Variants in WWOX observed in about 807,000 individuals in gnomAD.
WWOX encodes WW domain containing oxidoreductase.
In WWOX, 69 loss-of-function variants were observed where a neutral mutation model predicts 46.2. That is an observed-to-expected ratio of 1.49 (90% CI 1.23 to 1.82). WWOX has a LOEUF of 1.82. WWOX is among the 40% of genes most tolerant of loss of function. The pLI is 0.00. For synonymous variants in WWOX, 359 were observed against 202.6 expected (o/e 1.77, Z -6.56); for missense variants, 919 against 542.6 (o/e 1.69, Z -6.89).
chr16:78,613,398 G>A (rs565807052), intron 8 of WWOX, among the ~76,000 whole-genome samples: 1 of 152,178 alleles, frequency 6.6e-6, no homozygotes, highest in Non-Finnish European at 1.5e-5. Context: ...GAGTGTCCCT[G>A]TTACAAGGCC....
At position 78,608,204 on chromosome 16, in the gene WWOX, T is replaced by C. The variant is rs1454348742; in HGVS notation, c.1056+175452T>C. Among the ~76,000 whole-genome samples the C allele has an allele frequency of 2.6e-5, 4 of 152,192 alleles. No homozygotes were observed. In the South Asian group the frequency reaches 8.3e-4, roughly 32 times the overall value. On this transcript the variant is annotated intron_variant, in intron 8 of 8. Coordinates refer to ENST00000566780, the MANE Select transcript of WWOX (RefSeq NM_016373.4). Reference sequence around the variant, plus strand: ...GGTAAATCTAAGCAGAAATACACCATGCATGAGACAGAACAAAGAAAAGAA... The same window carrying C: ...GGTAAATCTAAGCAGAAATACACCACGCATGAGACAGAACAAAGAAAAGAA...
chr16:79,149,078 G>A (rs1157512959), intron 8 of WWOX, among the ~76,000 whole-genome samples: 2 of 152,130 alleles, frequency 1.3e-5, no homozygotes, highest in East Asian at 3.9e-4. Context: ...TGTTGAACAA[G>A]AGTAGTGAGA....
intron 8 of WWOX, among the ~76,000 whole-genome samples, chr16:78,975,743 G>A (rs1456000059): frequency 1.3e-5 from 2 of 152,130 alleles, no homozygotes; most frequent in Non-Finnish European, 2.9e-5. Flanking sequence ...AGCCAATTGA[G>A]GCCTTTGGGC....
At chr16:79,131,249 G>C (rs1317083602) in intron 8 of WWOX, among the ~76,000 whole-genome samples, 2 of 152,208 alleles carry the variant, frequency 1.3e-5, no homozygotes, top group African/African-American at 2.4e-5. Context: ...GTGAGAGTGA[G>C]ACACAAAATA....
chr16:78,556,584 G>A (rs1252611724), intron 8 of WWOX, among the ~76,000 whole-genome samples: 2 of 152,182 alleles, frequency 1.3e-5, no homozygotes, highest in African/African-American at 2.4e-5. Flanking sequence ...CCGGCGTGCG[G>A]TGAGTTGCCG....
intron 8 of WWOX, among the ~76,000 whole-genome samples, chr16:78,693,596 G>C (rs987820329): frequency 7.2e-5 from 11 of 152,180 alleles, no homozygotes; most frequent in African/African-American, 2.7e-4. Context: ...GGGCAGTGGA[G>C]ACAATGTCAC....
chr16:78,873,816 G>A (rs1264460534), intron 8 of WWOX, among the ~76,000 whole-genome samples: 1 of 151,976 alleles, frequency 6.6e-6, no homozygotes, highest in East Asian at 1.9e-4. Context: ...AAAATAAAAC[G>A]AGATATTTGG....
rs142575164 is a variant in WWOX at position 78,708,961 on chromosome 16, C to T, written c.1056+276209C>T. Reference sequence around the variant, plus strand: ...GGAAAGAGTTCAAAACTCAGTGTCACTTGCACATCCATTTTGCCCTAGAAG... The same window carrying T: ...GGAAAGAGTTCAAAACTCAGTGTCATTTGCACATCCATTTTGCCCTAGAAG... On this transcript the variant is annotated intron_variant, in intron 8 of 8. Transcript: ENST00000566780. 7.9e-3 allele frequency among the ~76,000 whole-genome samples: 1,195 copies of T among 152,184 alleles called. 11 individuals carry two copies. Among genetic ancestry groups the T allele is most frequent in the Middle Eastern group, 0.017 (5 of 292 alleles).
In WWOX at chr16:79,022,344, C is replaced by CAAAA. The variant is rs10654627; in HGVS notation, c.1057-189245_1057-189242dup. 4.9e-3 allele frequency among the ~76,000 whole-genome samples: 351 copies of CAAAA among 71,152 alleles called. 8 individuals carry two copies. Among genetic ancestry groups the CAAAA allele is most frequent in the African/African-American group, 9.7e-3 (191 of 19,660 alleles). The allele number at this position is 71,152 out of a possible 152,430, so 46.7% of individuals were successfully genotyped here. On this transcript the variant is annotated intron_variant, in intron 8 of 8. Transcript: ENST00000566780. ...AAGAGGACTCTCCAGCAATCTGTGG[C>CAAAA]AAAAAAAAAAAAAAAAAAAAAAGTC...
intron 8 of WWOX, among the ~76,000 whole-genome samples, chr16:78,732,401 A>T (rs2048990860): frequency 6.6e-6 from 1 of 152,288 alleles, no homozygotes; most frequent in South Asian, 2.1e-4. Flanking sequence ...GCCGCCAGTC[A>T]TAGTCAGCTT....
chr16:78,488,591 C>T (rs1038859486), intron 8 of WWOX, among the ~76,000 whole-genome samples: 7 of 152,072 alleles, frequency 4.6e-5, no homozygotes, highest in African/African-American at 9.7e-5. Flanking sequence ...GTAGCTGACC[C>T]GAGAGACCGT....
At position 78,757,641 on chromosome 16, in the gene WWOX, C is replaced by A. The variant is rs1396787984; in HGVS notation, c.1056+324889C>A. Among the ~76,000 whole-genome samples, 7 of 151,984 alleles carry A rather than the reference C, an allele frequency of 4.6e-5. No individual in the cohort carries two copies. In the East Asian group the frequency reaches 1.3e-3, roughly 29 times the overall value. On this transcript the variant is annotated intron_variant, in intron 8 of 8. Coordinates refer to ENST00000566780, the MANE Select transcript of WWOX (RefSeq NM_016373.4). Reference sequence around the variant, plus strand: ...TTGTATTTATTTATATGAATGAATACATTTTATTTATTTATATAAATACAT... The same window carrying A: ...TTGTATTTATTTATATGAATGAATAAATTTTATTTATTTATATAAATACAT...
chr16:78,936,253 C>T (rs1023923519), intron 8 of WWOX, among the ~76,000 whole-genome samples: 3 of 152,094 alleles, frequency 2.0e-5, no homozygotes, highest in East Asian at 1.9e-4. Context: ...CCCTCTGTAC[C>T]TTTGACCTGG....
intron 8 of WWOX, among the ~76,000 whole-genome samples, chr16:79,045,987 A>G (rs1169985865): frequency 6.6e-6 from 1 of 151,290 alleles, no homozygotes; most frequent in Non-Finnish European, 1.5e-5. Context: ...TTTTTAGTAG[A>G]GACGGGCTTT....
intron 8 of WWOX, among the ~76,000 whole-genome samples, chr16:78,668,542 C>G (rs1597419217): frequency 6.6e-6 from 1 of 152,100 alleles, no homozygotes; most frequent in East Asian, 1.9e-4. Flanking sequence ...ACAATTAGAA[C>G]ATTTAGTGTG....
At chr16:78,336,287 AC>A (rs1418712940) in intron 5 of WWOX, among the ~76,000 whole-genome samples, 1 of 150,030 alleles carries the variant, frequency 6.7e-6, no homozygotes, top group Non-Finnish European at 1.5e-5. Context: ...AGCCTGACCA[AC>A]ATGGTGAAAC....
intron 8 of WWOX, among the ~76,000 whole-genome samples, chr16:78,667,523 T>C (rs1166616793): frequency 6.6e-6 from 1 of 151,718 alleles, no homozygotes; most frequent in African/African-American, 2.4e-5. Flanking sequence ...TACAAAAAAT[T>C]AGCCAGGCGT....
Position 78,497,410 on chromosome 16 carries a change from A to G in WWOX, c.1056+64658A>G, listed in dbSNP as rs773024787. On this transcript the variant is annotated intron_variant, in intron 8 of 8. Transcript: ENST00000566780. ...AAGCTCCATGACACTGGTCTGCACA[A>G]TGAGTGTTTTTGTATATGAACCGAA... Among the ~76,000 whole-genome samples, 151 of 152,228 alleles carry G rather than the reference A, an allele frequency of 9.9e-4. 3 individuals are homozygous for G. Among genetic ancestry groups the G allele is most frequent in the Non-Finnish European group, 2.5e-4 (17 of 68,040 alleles).
intron 8 of WWOX, among the ~76,000 whole-genome samples, chr16:78,450,436 A>G (rs928166930): frequency 6.6e-5 from 10 of 152,220 alleles, no homozygotes. Context: ...GGAATAATAA[A>G]CAGTCAGAGT....
Sources: allele counts gnomAD v4.1 joint callset (sites outside exome capture counted in the v4.1 genomes callset), GRCh38; gene constraint gnomAD v4.1.1; transcripts MANE v1.5; gene names NCBI Gene and HGNC (gene_info 2026-07-23, HGNC 2026-07-21).